Variants in FBXO47 observed in about 807,000 individuals in gnomAD.
The protein encoded by FBXO47 is F-box only protein 47.
In FBXO47, 34 loss-of-function variants were observed where a neutral mutation model predicts 53.9. That is an observed-to-expected ratio of 0.63 (90% CI 0.48 to 0.84). The LOEUF is 0.84. FBXO47 is among the 40% of genes least tolerant of loss of function. The pLI is 0.00. For synonymous variants in FBXO47, 165 were observed against 181.6 expected (o/e 0.91, Z 0.73); for missense variants, 485 against 541.3 (o/e 0.90, Z 1.03).
At chr17:38,947,447 G>A (rs1264099560) in intron 6 of FBXO47, among the ~76,000 whole-genome samples, 2 of 151,990 alleles carry the variant, frequency 1.3e-5, no homozygotes, top group African/African-American at 4.8e-5. Flanking sequence ...TCCCACCTCA[G>A]CCTCCCTAGT....
intron 1 of FBXO47, 71 bp from the exon 2 acceptor site, chr17:38,963,122 T>C (rs1289365410): frequency 3.1e-6 from 3 of 982,216 alleles, no homozygotes; most frequent in Non-Finnish European, 4.6e-6. Flanking sequence ...TTTTTTTTTT[T>C]AAACGAAGAG....
intron 6 of FBXO47, among the ~76,000 whole-genome samples, chr17:38,947,640 T>C (rs1905010258): frequency 6.6e-6 from 1 of 152,190 alleles, no homozygotes; most frequent in African/African-American, 2.4e-5. Context: ...CCAGGCGTGG[T>C]GGCTCATGCC....
chr17:38,946,265 AAT>A (rs1360143111), intron 6 of FBXO47, among the ~76,000 whole-genome samples: 2 of 100,050 alleles, frequency 2.0e-5, no homozygotes, highest in East Asian at 3.2e-4. Context: ...AATATGTATA[AAT>A]ATATATAAAA....
chr17:38,945,740 A>G (rs946215977), intron 6 of FBXO47, among the ~76,000 whole-genome samples: 1 of 151,428 alleles, frequency 6.6e-6, no homozygotes, highest in African/African-American at 2.4e-5. Flanking sequence ...ATCGAGACCA[A>G]CCTGGCTAAC....
chr17:38,946,399 T>G (rs1361439418), intron 6 of FBXO47, among the ~76,000 whole-genome samples: 1 of 76,554 alleles, frequency 1.3e-5, no homozygotes, highest in East Asian at 4.0e-4. Context: ...TATCTATATA[T>G]AAATATATAG....
At position 38,941,620 on chromosome 17, in the gene FBXO47, T is replaced by TTATATATATATATATA. The variant is rs3040090; in HGVS notation, c.1083+1142_1083+1157dup. ...AAATGAATATTAAATAAATATAATA[T>TTATATATATATATATA]TATATATATATATATATATATATAT... On this transcript the variant is annotated intron_variant, in intron 9 of 10. Transcript: ENST00000378079. 3.8e-3 allele frequency among the ~76,000 whole-genome samples: 433 copies of TTATATATATATATATA among 115,092 alleles called. 4 individuals are homozygous for TTATATATATATATATA. Among genetic ancestry groups the TTATATATATATATATA allele is most frequent in the Middle Eastern group, 0.013 (3 of 228 alleles). The allele number at this position is 115,092 out of a possible 152,430, so 75.5% of individuals were successfully genotyped here. A position where few individuals can be genotyped will look rare whatever the true frequency, so the allele number is the denominator to read the frequency against.
chr17:38,957,698 CTTT>C (rs67243641), intron 3 of FBXO47, among the ~76,000 whole-genome samples: 22 of 132,842 alleles, frequency 1.7e-4, no homozygotes, highest in South Asian at 2.5e-4. Context: ...ACTGATTTTT[CTTT>C]TTTTTTTTTT....
chr17:38,964,821 A>T (rs940220267), intron 1 of FBXO47, among the ~76,000 whole-genome samples: 9 of 150,206 alleles, frequency 6.0e-5, no homozygotes, highest in African/African-American at 9.8e-5. Flanking sequence ...ACACTAAATA[A>T]TTTTTTTTTT....
At position 38,967,390 on chromosome 17, in the gene FBXO47, C is replaced by A. The variant is rs985838009; in HGVS notation, c.-188G>T. The stretch of plus-strand genomic sequence containing the variant: ...GGTCACACTCCCGTAGGCTCCGGAG[C>A]TGCAGCCCTACCCACCAGGCGTCCC... On this transcript the variant is annotated 5_prime_UTR_variant, in exon 1 of 11. Transcript: ENST00000378079. 4.6e-5 allele frequency: 7 copies of A among 152,122 alleles called. No homozygotes were observed. The highest frequency in any genetic ancestry group is 3.3e-4 in the Admixed American group (5 of 15,256). The allele number at this position is 152,122 out of a possible 1,614,324, so 9.4% of individuals were successfully genotyped here. A position where few individuals can be genotyped will look rare whatever the true frequency, so the allele number is the denominator to read the frequency against.
intron 5 of FBXO47, among the ~76,000 whole-genome samples, 159 bp from the exon 6 acceptor site, chr17:38,951,848 T>C (rs908397705): frequency 2.2e-4 from 33 of 151,760 alleles, no homozygotes; most frequent in African/African-American, 7.8e-4. Flanking sequence ...CTGGACAACA[T>C]AGTAAAACCT....
chr17:38,964,662 G>A (rs140987245), intron 1 of FBXO47, among the ~76,000 whole-genome samples: 268 of 151,472 alleles, frequency 1.8e-3, no homozygotes, highest in African/African-American at 6.3e-3. Flanking sequence ...ACTTGGTCTC[G>A]AAAAACAAAC....
At chr17:38,963,804 T>G (rs1404055111) in intron 1 of FBXO47, among the ~76,000 whole-genome samples, 1 of 135,180 alleles carries the variant, frequency 7.4e-6, no homozygotes, top group African/African-American at 3.2e-5. Context: ...GTTTTGTTGT[T>G]TTTTTTTTTT....
chr17:38,963,816 T>G (rs1905952484), intron 1 of FBXO47, among the ~76,000 whole-genome samples: 2 of 147,062 alleles, frequency 1.4e-5, no homozygotes, highest in African/African-American at 2.5e-5. Flanking sequence ...TTTTTTTTTT[T>G]GTCAAGGTCT....
chr17:38,949,879 G>A (rs552725141), intron 6 of FBXO47, among the ~76,000 whole-genome samples: 2 of 152,206 alleles, frequency 1.3e-5, no homozygotes, highest in East Asian at 1.9e-4. Context: ...TTACAGGTGT[G>A]AGCCACCTTG....
rs748501202 is a variant in FBXO47 at position 38,961,909 on chromosome 17, T to C, written c.320A>G (p.Asp107Gly). The change falls in exon 3 of 11, where the codon GAC (aspartate) becomes GGC (glycine). Residue 107 changes from aspartate to glycine, a missense_variant. By Grantham distance (94) the Asp-to-Gly change is moderately conservative. Transcript: ENST00000378079. ...HNLELPDRRQDSAILEHYRSL... is the reference protein window; with the variant it reads ...HNLELPDRRQGSAILEHYRSL... ...TCTGTAGTGCTCCAGTATAGCAGAG[T>C]CTTGTCTCCTGTCAGGCAGCTCAAG... 6.2e-7 allele frequency: 1 copy of C among 1,613,962 alleles called. No homozygotes were observed. Among genetic ancestry groups the C allele is most frequent in the Non-Finnish European group, 8.5e-7 (1 of 1,179,964 alleles).
intron 9 of FBXO47, among the ~76,000 whole-genome samples, chr17:38,941,544 A>G (rs1342480433): frequency 6.6e-6 from 1 of 150,702 alleles, no homozygotes; most frequent in Non-Finnish European, 1.5e-5. Flanking sequence ...CCTGGGCTCA[A>G]GAATCTCATA....
chr17:38,943,958 G>A (rs567111328), intron 7 of FBXO47, among the ~76,000 whole-genome samples: 2 of 152,220 alleles, frequency 1.3e-5, no homozygotes, highest in South Asian at 2.1e-4. Context: ...TTAGGAGGCC[G>A]AGGTAGGAGG....
Position 38,952,844 on chromosome 17 carries a change from G to T in FBXO47, c.508-1155C>A, listed in dbSNP as rs577147001. On this transcript the variant is annotated intron_variant, in intron 5 of 10. Coordinates refer to ENST00000378079, the MANE Select transcript of FBXO47 (RefSeq NM_001008777.3). ...TTTTTTTTTTTTTTTTGTAGAGATG[G>T]GGTTTTGTCATGTTGGCCAGACTAG... is the stretch of plus-strand genomic sequence containing the variant. 1.9e-3 allele frequency among the ~76,000 whole-genome samples: 268 copies of T among 143,832 alleles called. 1 individual carries two copies. Among genetic ancestry groups the T allele is most frequent in the African/African-American group, 7.0e-3 (263 of 37,612 alleles). 94.4% of individuals were successfully genotyped at this position (143,832 alleles called of 152,430 possible). A position where few individuals can be genotyped will look rare whatever the true frequency, so the allele number is the denominator to read the frequency against.
At chr17:38,943,032 G>A (rs1160866409) in intron 8 of FBXO47, 112 bp from the exon 9 acceptor site, 5 of 987,888 alleles carry the variant, frequency 5.1e-6, no homozygotes, top group Non-Finnish European at 7.3e-6. Flanking sequence ...TTAGTGCCAA[G>A]GGAAATGCTC....
Sources: allele counts gnomAD v4.1 joint callset (sites outside exome capture counted in the v4.1 genomes callset), GRCh38; gene constraint gnomAD v4.1.1; transcripts MANE v1.5; gene names NCBI Gene and HGNC (gene_info 2026-07-23, HGNC 2026-07-21).